GRAP2: variants seen among roughly 807,000 people sequenced by gnomAD.
GRAP2 encodes GRB2 related adaptor protein 2.
Under a neutral mutation model 43.5 loss-of-function variants are expected in GRAP2, and 31 were observed. The ratio of observed to expected loss-of-function variants is 0.71; its 90% confidence interval spans 0.54 to 0.96. The LOEUF is 0.96. GRAP2 is among the 40% of genes least tolerant of loss of function. GRAP2 has a pLI of 0.00. For missense variants in GRAP2, 371 were observed against 424.4 expected (o/e 0.87, Z 1.11); for synonymous variants, 156 against 164.8 (o/e 0.95, Z 0.41).
chr22:39,910,165 TC>T (rs1569191690), intron 1 of GRAP2, among the ~76,000 whole-genome samples: 1 of 152,132 alleles, frequency 6.6e-6, no homozygotes, highest in Non-Finnish European at 1.5e-5. Flanking sequence ...GCTTAGGGCC[TC>T]CCCTAAGTCA....
intron 2 of GRAP2, among the ~76,000 whole-genome samples, chr22:39,955,060 T>C (rs1286543086): frequency 1.3e-5 from 2 of 152,162 alleles, no homozygotes; most frequent in Non-Finnish European, 2.9e-5. Context: ...AATAACAAAT[T>C]GAATTTTTGA....
upstream of GRAP2, among the ~76,000 whole-genome samples, chr22:39,897,832 C>T (rs1030802252): frequency 1.3e-5 from 2 of 152,066 alleles, no homozygotes; most frequent in African/African-American, 4.8e-5. Context: ...CAGTAGGCTC[C>T]TAACTGGTCT....
At chr22:39,953,856 G>A (rs774131419) in intron 2 of GRAP2, among the ~76,000 whole-genome samples, 5 of 152,182 alleles carry the variant, frequency 3.3e-5, no homozygotes, top group Admixed American at 6.5e-5. Context: ...TCAAGCGATC[G>A]TCCACTTGGG....
chr22:39,945,455 C>T (rs1011685715), intron 1 of GRAP2, among the ~76,000 whole-genome samples: 2 of 152,200 alleles, frequency 1.3e-5, no homozygotes, highest in African/African-American at 4.8e-5. Flanking sequence ...CAGCCACCTT[C>T]CTTATTTACC....
At chr22:39,970,488 G>A (rs780456777) in intron 7 of GRAP2, among the ~76,000 whole-genome samples, 1 of 152,228 alleles carries the variant, frequency 6.6e-6, no homozygotes, top group Non-Finnish European at 1.5e-5. Context: ...ACCTATTGAT[G>A]TGGAGAGAGT....
At chr22:39,937,156 G>A (rs574068654) in intron 1 of GRAP2, among the ~76,000 whole-genome samples, 4 of 152,260 alleles carry the variant, frequency 2.6e-5, no homozygotes, top group South Asian at 4.2e-4. Context: ...ACGGGTGACC[G>A]ATTATAAAGT....
intron 1 of GRAP2, among the ~76,000 whole-genome samples, chr22:39,909,077 A>G (rs2066541763): frequency 6.6e-6 from 1 of 152,180 alleles, no homozygotes; most frequent in Non-Finnish European, 1.5e-5. Context: ...TACCCCCAAC[A>G]ATATCTCATT....
At chr22:39,956,593 C>T (rs1046312052) in intron 3 of GRAP2, among the ~76,000 whole-genome samples, 12 of 152,050 alleles carry the variant, frequency 7.9e-5, no homozygotes, top group Non-Finnish European at 1.2e-4. Flanking sequence ...CTCAGCCTCC[C>T]TAGTAGCTGG....
intron 4 of GRAP2, chr22:39,964,183 C>G (rs1384582637): frequency 1.3e-5 from 7 of 526,156 alleles, no homozygotes; most frequent in African/African-American, 1.2e-4. Context: ...AAGAGAATGA[C>G]TTGGCAATGA....
intron 1 of GRAP2, among the ~76,000 whole-genome samples, chr22:39,930,081 G>A (rs953524614): frequency 2.0e-5 from 3 of 152,132 alleles, no homozygotes; most frequent in African/African-American, 7.2e-5. Context: ...ATTTCAAATT[G>A]AAATGATAAT....
In GRAP2 at chr22:39,932,854, T is replaced by C. The variant is rs142538467; in HGVS notation, c.-14-14239T>C. Among the ~76,000 whole-genome samples the C allele has an allele frequency of 1.5e-3, 236 of 152,344 alleles. 1 individual carries two copies. The highest frequency in any genetic ancestry group is 5.5e-3 in the African/African-American group (228 of 41,590). ...AAGAACATTATGAGGCAGGCACTAT[T>C]ATCATCCCTGTTTTTAAAATGAGGA... is the stretch of plus-strand genomic sequence containing the variant. On this transcript the variant is annotated intron_variant, in intron 1 of 7. Transcript: ENST00000344138.
intron 1 of GRAP2, among the ~76,000 whole-genome samples, chr22:39,942,546 A>T (rs539523091): frequency 2.6e-5 from 4 of 152,188 alleles, no homozygotes; most frequent in Non-Finnish European, 5.9e-5. Context: ...GAACTCCAGG[A>T]AGCTGAGGCA....
At chr22:39,956,197 A>G (rs1008483221) in intron 3 of GRAP2, among the ~76,000 whole-genome samples, 1 of 144,850 alleles carries the variant, frequency 6.9e-6, no homozygotes, top group Non-Finnish European at 1.5e-5. Flanking sequence ...TCCCTCTGTC[A>G]CCCAGGCTGG....
At chr22:39,923,211 T>G (rs891439251) in intron 1 of GRAP2, among the ~76,000 whole-genome samples, 45 of 152,164 alleles carry the variant, frequency 3.0e-4, no homozygotes, top group Non-Finnish European at 4.4e-4. Flanking sequence ...AGTGCCAGAA[T>G]GAAATATATA....
At position 39,966,031 on chromosome 22, in the gene GRAP2, A is replaced by C; in HGVS notation, c.332A>C (p.Asn111Thr). 1 of 1,614,142 alleles carries C rather than the reference A, an allele frequency of 6.2e-7. No individual in the cohort carries two copies. Among genetic ancestry groups the C allele is most frequent in the Non-Finnish European group, 8.5e-7 (1 of 1,179,930 alleles). Reference protein sequence around the residue: ...DVQHFKVMRDNKGNYFLWTEK... With the variant: ...DVQHFKVMRDTKGNYFLWTEK... ...CAACACTTCAAGGTCATGCGAGACA[A>C]CAAGGGTAATTACTTTCTGTGGACT... is the stretch of plus-strand genomic sequence containing the variant. Residue 111 changes from asparagine to threonine, a missense_variant, in exon 5 of 8, where the codon AAC (asparagine) becomes ACC (threonine). Transcript: ENST00000344138.
upstream of GRAP2, among the ~76,000 whole-genome samples, chr22:39,898,029 T>C (rs1418852979): frequency 6.6e-6 from 1 of 152,184 alleles, no homozygotes; most frequent in African/African-American, 2.4e-5. Context: ...TGTTCTGCTC[T>C]CTCTCTGATC....
intron 1 of GRAP2, among the ~76,000 whole-genome samples, chr22:39,905,031 G>A (rs2066514228): frequency 1.3e-5 from 2 of 152,296 alleles, no homozygotes; most frequent in South Asian, 4.1e-4. Context: ...ATGCCAGGTT[G>A]TTCCACTGTG....
At chr22:39,902,940 C>T (rs544619702) in intron 1 of GRAP2, among the ~76,000 whole-genome samples, 1 of 152,326 alleles carries the variant, frequency 6.6e-6, no homozygotes, top group East Asian at 1.9e-4. Flanking sequence ...CAAAATGTCT[C>T]TCACTTATTT....
chr22:39,946,528 C>T (rs1293694588), intron 1 of GRAP2, among the ~76,000 whole-genome samples: 1 of 152,152 alleles, frequency 6.6e-6, no homozygotes, highest in Admixed American at 6.5e-5. Flanking sequence ...TTGAGCCTCC[C>T]AACTCGAAGA....
Sources: allele counts gnomAD v4.1 joint callset (sites outside exome capture counted in the v4.1 genomes callset), GRCh38; gene constraint gnomAD v4.1.1; transcripts MANE v1.5; gene names NCBI Gene and HGNC (gene_info 2026-07-23, HGNC 2026-07-21).